The following GRM8 variants were observed in gnomAD, a reference collection of about 807,000 sequenced individuals.
The protein encoded by GRM8 is metabotropic glutamate receptor 8.
In GRM8, 47 loss-of-function variants were observed where a neutral mutation model predicts 87.2. That is an observed-to-expected ratio of 0.54 (90% CI 0.43 to 0.69). The LOEUF (loss-of-function observed/expected upper bound fraction) is 0.69, where lower values mean the gene tolerates loss of function less well. Ranked by LOEUF, GRM8 falls within the 30% of genes least tolerant of loss-of-function variation. The probability of loss-of-function intolerance (pLI) is 0.00; values close to 1 mark genes in which losing one functional copy is unlikely to be tolerated. For missense variants in GRM8, 1,019 were observed against 1,139.2 expected, an observed-to-expected ratio of 0.89 and a Z score of 1.52; for synonymous variants, 396 against 404.5, an observed-to-expected ratio of 0.98 and a Z score of 0.25.
chr7:126,623,783 A>G (rs1339801643), intron 7 of GRM8, among the ~76,000 whole-genome samples: 1 of 152,186 alleles, frequency 6.6e-6, no homozygotes, highest in East Asian at 1.9e-4. Flanking sequence ...AAAATAAACA[A>G]GGCCCATATC....
intron 2 of GRM8, among the ~76,000 whole-genome samples, chr7:127,197,268 C>T (rs1205282526): frequency 2.0e-5 from 3 of 152,276 alleles, no homozygotes; most frequent in Admixed American, 2.0e-4. Flanking sequence ...GTAAAAATTA[C>T]TTAATTTTAT....
chr7:126,474,056 G>T (rs991374061), intron 9 of GRM8, among the ~76,000 whole-genome samples: 1 of 151,892 alleles, frequency 6.6e-6, no homozygotes, highest in African/African-American at 2.4e-5. Context: ...TTTTATATTC[G>T]TTTTATATTC....
intron 2 of GRM8, among the ~76,000 whole-genome samples, chr7:127,122,344 C>T (rs374646766): frequency 2.6e-5 from 4 of 151,836 alleles, no homozygotes; most frequent in Non-Finnish European, 5.9e-5. Flanking sequence ...TTGCATAGAC[C>T]GTAACTTAGA....
chr7:126,956,131 G>A (rs1333077009), intron 3 of GRM8, among the ~76,000 whole-genome samples: 1 of 151,926 alleles, frequency 6.6e-6, no homozygotes, highest in Non-Finnish European at 1.5e-5. Flanking sequence ...TAAAGCTTTG[G>A]GAACAAAAAT....
At chr7:126,614,968 G>A (rs190071723) in intron 7 of GRM8, among the ~76,000 whole-genome samples, 1 of 152,274 alleles carries the variant, frequency 6.6e-6, no homozygotes, top group Non-Finnish European at 1.5e-5. Context: ...TTATCCAGGA[G>A]AACTTCCCCA....
At chr7:127,054,156 G>T (rs1264501506) in intron 3 of GRM8, among the ~76,000 whole-genome samples, 1 of 152,036 alleles carries the variant, frequency 6.6e-6, no homozygotes, top group Non-Finnish European at 1.5e-5. Flanking sequence ...CTTCTAACAG[G>T]CATTCAACAT....
intron 8 of GRM8, among the ~76,000 whole-genome samples, chr7:126,599,117 C>T (rs996028966): frequency 1.3e-5 from 2 of 152,098 alleles, no homozygotes; most frequent in South Asian, 2.1e-4. Context: ...ACTCTAAGGC[C>T]GTCTTCAGTA....
At chr7:126,661,717 CTTCT>C (rs1253689069) in intron 7 of GRM8, among the ~76,000 whole-genome samples, 1 of 152,182 alleles carries the variant, frequency 6.6e-6, no homozygotes, top group East Asian at 1.9e-4. Flanking sequence ...GTCATGCCTC[CTTCT>C]TTGAGTAGGA....
chr7:126,448,126 T>A (rs1354969924), intron 9 of GRM8, among the ~76,000 whole-genome samples: 10 of 152,050 alleles, frequency 6.6e-5, no homozygotes. Context: ...GAAAATTGAC[T>A]GCAGAGAGAG....
At chr7:126,636,144 C>T (rs1462786168) in intron 7 of GRM8, among the ~76,000 whole-genome samples, 1 of 152,006 alleles carries the variant, frequency 6.6e-6, no homozygotes, top group Non-Finnish European at 1.5e-5. Context: ...GATTTAAATG[C>T]CTTTTGGAAT....
chr7:127,216,897 T>TTAAGC (rs1796592426), intron 2 of GRM8, among the ~76,000 whole-genome samples: 1 of 152,180 alleles, frequency 6.6e-6, no homozygotes, highest in Non-Finnish European at 1.5e-5. Flanking sequence ...GAGACACACT[T>TTAAGC]TGAGAGGGCC....
chr7:126,472,584 C>T (rs1805404422), intron 9 of GRM8, among the ~76,000 whole-genome samples: 1 of 152,110 alleles, frequency 6.6e-6, no homozygotes, highest in Non-Finnish European at 1.5e-5. Flanking sequence ...TTGCAGCTGA[C>T]AATGCAATAG....
chr7:126,832,035 C>T (rs1436417892), intron 6 of GRM8, among the ~76,000 whole-genome samples: 1 of 151,794 alleles, frequency 6.6e-6, no homozygotes, highest in Non-Finnish European at 1.5e-5. Flanking sequence ...TATATAACTG[C>T]AAAAATGTAT....
At chr7:126,882,539 G>A (rs1351625346) in intron 6 of GRM8, among the ~76,000 whole-genome samples, 3 of 151,806 alleles carry the variant, frequency 2.0e-5, no homozygotes, top group Non-Finnish European at 4.4e-5. Context: ...TTGACTCATC[G>A]CTAAAAAAAA....
intron 2 of GRM8, among the ~76,000 whole-genome samples, chr7:127,161,512 G>C (rs1452114830): frequency 2.6e-5 from 4 of 152,200 alleles, no homozygotes; most frequent in African/African-American, 9.7e-5. Flanking sequence ...AGCAATTGCA[G>C]GGGGCTGATG....
chr7:126,468,673 T>C (rs573020244), intron 9 of GRM8, among the ~76,000 whole-genome samples: 12 of 152,212 alleles, frequency 7.9e-5, no homozygotes, highest in African/African-American at 2.9e-4. Flanking sequence ...ATTGTCTGTG[T>C]CCAAAAAAGA....
chr7:127,240,586 T>C (rs1191788309), intron 2 of GRM8, among the ~76,000 whole-genome samples: 5 of 152,084 alleles, frequency 3.3e-5, no homozygotes, highest in African/African-American at 4.8e-5. Context: ...GGAACCCGAA[T>C]TGGTTTATAA....
intron 3 of GRM8, among the ~76,000 whole-genome samples, chr7:126,931,358 T>G (rs1339741082): frequency 6.6e-6 from 1 of 152,234 alleles, no homozygotes; most frequent in East Asian, 1.9e-4. Context: ...TAGGGGCTTA[T>G]GCATTAATCC....
chr7:126,439,609 A>T (rs1033776093), intron 10 of GRM8, among the ~76,000 whole-genome samples: 4 of 152,166 alleles, frequency 2.6e-5, no homozygotes, highest in Admixed American at 2.6e-4. Context: ...TATACTTTTT[A>T]TCATTATTTT....
Sources: gnomAD v4.1 joint callset for allele counts (sites outside exome capture counted in the v4.1 genomes callset) on GRCh38, gnomAD v4.1.1 for gene constraint, MANE v1.5 for transcripts, NCBI Gene and HGNC (gene_info 2026-07-23, HGNC 2026-07-21) for gene names.